Variants in TRPM4 observed in about 807,000 individuals in gnomAD.
The protein encoded by TRPM4 is calcium-activated non-selective cation channel 1.
A neutral mutation model predicts 135.6 loss-of-function variants in TRPM4; 124 were observed. The ratio of observed to expected loss-of-function variants is 0.91; its 90% CI spans 0.79 to 1.06. The LOEUF is 1.06. Among genes scored for constraint, TRPM4 ranks in the 50% least tolerant of loss-of-function variants. The probability of loss-of-function intolerance (pLI) is 0.00; values close to 1 mark genes in which losing one functional copy is unlikely to be tolerated. For synonymous variants in TRPM4, 745 were observed against 705.6 expected, an observed-to-expected ratio of 1.06 and a Z score of -0.88; for missense variants, 1,658 against 1,671.4, an observed-to-expected ratio of 0.99 and a Z score of 0.14.
At chr19:49,168,227 C>A in intron 4 of TRPM4, 33 bp from the exon 5 acceptor site, 1 of 1,613,862 alleles carries the variant, frequency 6.2e-7, no homozygotes, top group Non-Finnish European at 8.5e-7. Context: ...TTTCTCTCCC[C>A]CTGCCTCTGC....
Position 49,197,849 on chromosome 19 carries a change from AATTTTTTTTGT to A in TRPM4, c.2645+988_2645+998del, listed in dbSNP as rs778118709. On this transcript the variant is annotated intron_variant, in intron 17 of 24. Coordinates refer to ENST00000252826, the MANE Select transcript of TRPM4 (RefSeq NM_017636.4). Reference sequence around the variant, plus strand: ...AGGCATGCACCACTACACCTAGCTAAATTTTTTTTGTATTTTTTTTGTAGAGATGGGGCTTT... The same window carrying A: ...AGGCATGCACCACTACACCTAGCTAAATTTTTTTTGTAGAGATGGGGCTTT... 1.5e-3 allele frequency among the ~76,000 whole-genome samples: 226 copies of A among 151,716 alleles called. 4 individuals carry two copies. Among genetic ancestry groups the A allele is most frequent in the Admixed American group, 0.015 (224 of 15,192 alleles).
rs1401901954 is a variant in TRPM4, at chr19:49,171,302, A to G, written c.797-55A>G. ...CTCCTGGGAAATGCGGTTTTCTCCT[A>G]TCTCCAGCAAAGGCTGATGGGAGGT... is the stretch of plus-strand genomic sequence containing the variant. On this transcript the variant is annotated intron_variant, in intron 6 of 24. Coordinates refer to ENST00000252826, the MANE Select transcript of TRPM4 (RefSeq NM_017636.4). The surrounding 1 kb of genome is among the most constrained non-coding windows in gnomAD (Gnocchi z 4.7). The G allele has an allele frequency of 2.5e-6, 4 of 1,603,716 alleles. No individual in the cohort carries two copies. Among genetic ancestry groups the G allele is most frequent in the Non-Finnish European group, 3.4e-6 (4 of 1,170,590 alleles).
rs1368229006 is a variant in TRPM4, at chr19:49,200,716, A to G, written c.2884A>G (p.Ile962Val). Residue 962 changes from isoleucine (I) to valine (V), a missense_variant, in exon 19 of 25, where the codon ATC (isoleucine) becomes GTC (valine). Coordinates refer to ENST00000252826, the MANE Select transcript of TRPM4 (RefSeq NM_017636.4). ...GCCACGGGACAGTGACTTCCCAAGT[A>G]TCCTGCGCCGCGTCTTCTACCGTCC... Reference protein sequence around the residue: ...LRPRDSDFPSILRRVFYRPYL... With the variant: ...LRPRDSDFPSVLRRVFYRPYL... The G allele has an allele frequency of 3.1e-6, 5 of 1,614,108 alleles. No homozygotes were observed. The highest frequency in any genetic ancestry group is 1.1e-5 in the South Asian group (1 of 91,078).
At position 49,211,617 on chromosome 19, in the gene TRPM4, C is replaced by T. The variant is rs757446153; in HGVS notation, c.*119C>T. ...TTGTCCTTGAGGTGAGCCCCATGTC[C>T]ATCTGGGCCACTGTCAGGACCACCT... On this transcript the variant is annotated 3_prime_UTR_variant, in exon 25 of 25. Coordinates refer to ENST00000252826, the MANE Select transcript of TRPM4 (RefSeq NM_017636.4). The surrounding 1 kb of genome is among the most constrained non-coding windows in gnomAD (Gnocchi z 4.8). The T allele has an allele frequency of 4.0e-5, 53 of 1,313,624 alleles. No homozygotes were observed. Among genetic ancestry groups the T allele is most frequent in the Admixed American group, 3.0e-4 (18 of 59,336 alleles). The allele number at this position is 1,313,624 out of a possible 1,614,324, so 81.4% of individuals were successfully genotyped here. A position where few individuals can be genotyped will look rare whatever the true frequency, so the allele number is the denominator to read the frequency against.
At position 49,166,108 on chromosome 19, in the gene TRPM4, G is replaced by A; in HGVS notation, c.160G>A (p.Gly54Arg). 3 of 1,603,400 alleles carry A rather than the reference G, an allele frequency of 1.9e-6. No individual in the cohort carries two copies. The highest frequency in any genetic ancestry group is 1.1e-5 in the South Asian group (1 of 89,284). ...CGCAGTGGCCATGGAGGATGCCTTC[G>A]GGGCAGCCGTGGTGACCGTGTGGGA... ...HPAVAMEDAF[G>R]AAVVTVWDSD... Residue 54 changes from glycine to arginine, a missense_variant, in exon 3 of 25, where the codon GGG (glycine) becomes AGG (arginine). Gly to Arg is a moderately radical substitution (Grantham distance 125). Around this residue, in one of 3 missense-constraint regions of TRPM4, gnomAD observed 239 missense variants for 240.1 expected, o/e 1.00. Transcript: ENST00000252826.
rs749938388 is a variant in TRPM4, at chr19:49,196,731, C to G, written c.2502C>G (p.Ser834Arg). The change falls in exon 17 of 25, where the codon AGC (serine) becomes AGG (arginine). Residue 834 changes from serine to arginine, a missense_variant. Ser to Arg is a moderately radical substitution (Grantham distance 110, BLOSUM62 -1). Around this residue, in one of 3 missense-constraint regions of TRPM4, gnomAD observed 1,412 missense variants for 1,408.7 expected, o/e 1.00. Coordinates refer to ENST00000252826, the MANE Select transcript of TRPM4 (RefSeq NM_017636.4). ...GCGAGGAACTGCGCCAGGGCCTGAG[C>G]GGAGGCGGGGGCAGCCTCGCCAGCG... Reference protein sequence around the residue: ...LLCEELRQGLSGGGGSLASGG... With the variant: ...LLCEELRQGLRGGGGSLASGG... 33 of 1,551,856 alleles carry G rather than the reference C, an allele frequency of 2.1e-5. No individual in the cohort carries two copies. In the East Asian group the frequency reaches 6.9e-4, roughly 33 times the overall value.
At position 49,196,518 on chromosome 19, in the gene TRPM4, C is replaced by G. The variant is rs200760537; in HGVS notation, c.2289C>G (p.Cys763Trp). 1.3e-4 allele frequency: 196 copies of G among 1,550,586 alleles called. No homozygotes were observed. Among genetic ancestry groups the G allele is most frequent in the South Asian group, 4.1e-4 (35 of 84,802 alleles). ...GTCCGGGTTGCTGCGGGGGCCGCTG[C>G]GGGGGGCGCCGGTGCCTACGCCGCT... The part of the protein sequence containing the change: ...SGRPGCCGGR[C>W]GGRRCLRRWF... Residue 763 changes from cysteine (C) to tryptophan (W), a missense_variant, in exon 17 of 25, where the codon TGC becomes TGG. Coordinates refer to ENST00000252826, the MANE Select transcript of TRPM4 (RefSeq NM_017636.4).
chr19:49,207,563 A>C (rs756803341), intron 20 of TRPM4, among the ~76,000 whole-genome samples: 14 of 149,166 alleles, frequency 9.4e-5, no homozygotes, highest in Non-Finnish European at 1.8e-4. Context: ...CCAGGAGGTC[A>C]AGGCTGTGGC....
chr19:49,207,690 C>G (rs1969201636), intron 20 of TRPM4, among the ~76,000 whole-genome samples: 1 of 150,592 alleles, frequency 6.6e-6, no homozygotes, highest in Non-Finnish European at 1.5e-5. Flanking sequence ...CCTGCAATCC[C>G]AGCACTTTGG....
At chr19:49,189,542 T>A (rs1384124281) in intron 14 of TRPM4, among the ~76,000 whole-genome samples, 1 of 69,972 alleles carries the variant, frequency 1.4e-5, no homozygotes, top group Non-Finnish European at 3.4e-5. Flanking sequence ...AACAATTACC[T>A]TTTTTTTTTT....
chr19:49,173,624 A>G (rs1255354579), intron 9 of TRPM4, among the ~76,000 whole-genome samples: 1 of 152,184 alleles, frequency 6.6e-6, no homozygotes, highest in Non-Finnish European at 1.5e-5. Flanking sequence ...GGGGGAGCAT[A>G]ATGCACACCT....
In TRPM4 at chr19:49,179,213, G is replaced by A. The variant is rs541322041; in HGVS notation, c.1151-2136G>A. 4.1e-3 allele frequency among the ~76,000 whole-genome samples: 619 copies of A among 150,780 alleles called. 5 individuals carry two copies. The highest frequency in any genetic ancestry group is 0.014 in the African/African-American group (578 of 40,998). On this transcript the variant is annotated intron_variant, in intron 9 of 24. Transcript: ENST00000252826. ...TGGGATTACAGGCATGAGCCACCACGCCCAGCTAATTTTGTATTTTTAGCA... is the reference window on the plus strand; with the variant it reads ...TGGGATTACAGGCATGAGCCACCACACCCAGCTAATTTTGTATTTTTAGCA...
chr19:49,192,001 C>T (rs901777032), intron 16 of TRPM4, among the ~76,000 whole-genome samples: 2 of 152,150 alleles, frequency 1.3e-5, no homozygotes, highest in East Asian at 1.9e-4. Context: ...CTGTAGCAAG[C>T]GGAATCAGTT....
intron 9 of TRPM4, 62 bp from the exon 10 acceptor site, chr19:49,181,287 G>A (rs1382713413): frequency 5.6e-6 from 7 of 1,257,992 alleles, no homozygotes; most frequent in Non-Finnish European, 8.2e-6. Context: ...AGGCAAAATA[G>A]ACATTCAGCA....
rs1968660109 is a variant in TRPM4 at position 49,196,705 on chromosome 19, T to G, written c.2476T>G (p.Cys826Gly). The change falls in exon 17 of 25, where the codon TGC becomes GGC. Residue 826 changes from cysteine (C) to glycine (G), a missense_variant. By Grantham distance (159) the Cys-to-Gly change is radical. Coordinates refer to ENST00000252826, the MANE Select transcript of TRPM4 (RefSeq NM_017636.4). ...CTATTTCTGGGCTTTCACGCTGCTG[T>G]GCGAGGAACTGCGCCAGGGCCTGAG... Reference protein sequence around the residue: ...LLYFWAFTLLCEELRQGLSGG... With the variant: ...LLYFWAFTLLGEELRQGLSGG... 6.4e-7 allele frequency: 1 copy of G among 1,551,292 alleles called. No homozygotes were observed.
chr19:49,183,151 A>C lies in TRPM4; in HGVS notation c.1682A>C (p.Asp561Ala), dbSNP rs56355369. 9,499 of 1,614,014 alleles carry C rather than the reference A, an allele frequency of 5.9e-3. 53 individuals are homozygous for C. The highest frequency in any genetic ancestry group is 7.3e-3 in the Non-Finnish European group (8,605 of 1,180,006). Residue 561 changes from aspartate (D) to alanine (A), a missense_variant, in exon 12 of 25, where the codon GAC becomes GCC. Asp to Ala is a moderately radical substitution (Grantham distance 126, BLOSUM62 -2). Transcript: ENST00000252826. ...DAGLGQAPWS[D>A]LLLWALLLNR... ...GGCCTCGGGCAGGCCCCCTGGAGCG[A>C]CCTGCTTCTTTGGGCACTGTTGCTG...
chr19:49,210,628 C>T lies in TRPM4; in HGVS notation c.3329-82C>T. ...CAGGGGCTGGGTCTGGGATAGCGTGCGTGTTCTGAGGGTGTCGGAAGGGGC... is the reference window on the plus strand; with the variant it reads ...CAGGGGCTGGGTCTGGGATAGCGTGTGTGTTCTGAGGGTGTCGGAAGGGGC... On this transcript the variant is annotated intron_variant, in intron 21 of 24. Transcript: ENST00000252826. This position sits in a 1 kb window ranked among gnomAD's most constrained non-coding sequence, Gnocchi z 4.1. 6.2e-7 allele frequency: 1 copy of T among 1,601,128 alleles called. No homozygotes were observed. The highest frequency in any genetic ancestry group is 8.5e-7 in the Non-Finnish European group (1 of 1,170,112).
chr19:49,175,496 A>ACGGCGCCCGGCCTCTTTTT, intron 9 of TRPM4, among the ~76,000 whole-genome samples: 2 of 152,012 alleles, frequency 1.3e-5, no homozygotes, highest in East Asian at 3.9e-4. Flanking sequence ...GGCGTGAGCC[A>ACGGCGCCCGGCCTCTTTTT]TTGTGCTTAG....
At chr19:49,197,897 C>G (rs1454562722) in intron 17 of TRPM4, among the ~76,000 whole-genome samples, 5 of 151,816 alleles carry the variant, frequency 3.3e-5, no homozygotes, top group Admixed American at 6.6e-5. Context: ...CCATATTGAC[C>G]AGGCTGGTCT....
Sources: allele counts gnomAD v4.1 joint callset (sites outside exome capture counted in the v4.1 genomes callset), GRCh38; gene constraint gnomAD v4.1.1; regional missense constraint gnomAD v4.1.1; non-coding constraint Gnocchi (gnomAD v3.1); transcripts MANE v1.5; gene names NCBI Gene and HGNC (gene_info 2026-07-23, HGNC 2026-07-21).